Variants in SLC4A9 observed in about 807,000 individuals in gnomAD.
SLC4A9 encodes the protein anion exchange protein 4.
Under a neutral mutation model 103.2 loss-of-function variants are expected in SLC4A9, and 102 were observed. That is an observed-to-expected ratio of 0.99 (90% confidence interval 0.84 to 1.17). The LOEUF (loss-of-function observed/expected upper bound fraction) is 1.17, where lower values mean the gene tolerates loss of function less well. SLC4A9 is among the 50% of genes most tolerant of loss of function. The pLI, the probability that SLC4A9 is intolerant of heterozygous loss-of-function variation, is 0.00. For synonymous variants in SLC4A9, 453 were observed against 483.6 expected (o/e 0.94, Z 0.83); for missense variants, 1,091 against 1,193.7 (o/e 0.91, Z 1.27).
rs1038367650 is a variant in SLC4A9 at position 140,363,215 on chromosome 5, G to T, written c.962+149G>T. On this transcript the variant is annotated intron_variant, in intron 7 of 21. Coordinates refer to ENST00000506757, the MANE Select transcript of SLC4A9 (RefSeq NM_031467.3). This position sits in a 1 kb window ranked among gnomAD's most constrained non-coding sequence, Gnocchi z 4.5. ...GCAGACCTAACTCTGAGTTCTGCTG[G>T]ACTACTCTCTCGCTAAGAGACCTGA... The T allele has an allele frequency of 1.7e-6, 2 of 1,156,220 alleles. No individual in the cohort carries two copies. The highest frequency in any genetic ancestry group is 2.9e-5 in the South Asian group (2 of 68,680). The allele number at this position is 1,156,220 out of a possible 1,614,324, so 71.6% of individuals were successfully genotyped here.
chr5:140,362,252 C>T, intron 5 of SLC4A9, 78 bp downstream of exon 5: 1 of 1,411,730 alleles, frequency 7.1e-7, no homozygotes, highest in Admixed American at 2.8e-5. Context: ...AGGAGGGTCT[C>T]AGTCTGATTC....
In SLC4A9 at chr5:140,360,341, C is replaced by A; in HGVS notation, c.105C>A (p.Pro35=). 1 of 1,611,690 alleles carries A rather than the reference C, an allele frequency of 6.2e-7. No homozygotes were observed. The highest frequency in any genetic ancestry group is 1.1e-5 in the South Asian group (1 of 90,460). The change falls in exon 1 of 22, where the codon CCC becomes CCA. Residue 35 remains proline, a synonymous_variant. Transcript: ENST00000506757. The stretch of plus-strand genomic sequence containing the variant: ...GCAACCCTGACCCTGGCACCGGCCC[C>A]AGCCCTGATGGCCCCTCAGACACAG... The part of the protein sequence containing the change: ...LDSNPDPGTG[P]SPDGPSDTES...
chr5:140,360,966 C>G lies in SLC4A9; in HGVS notation c.385C>G (p.Leu129Val). The G allele has an allele frequency of 6.3e-7, 1 of 1,578,554 alleles. No homozygotes were observed. The highest frequency in any genetic ancestry group is 8.6e-7 in the Non-Finnish European group (1 of 1,161,748). ...CTGCCCAGCTCAGAGCCTCCTGGAG[C>G]TCGTGGGTAGGCTGGGATCCTTTGC... Reference protein sequence around the residue: ...LDCPAQSLLELVEQVTRVESL... With the variant: ...LDCPAQSLLEVVEQVTRVESL... Residue 129 changes from leucine to valine, a missense_variant, in exon 2 of 22, where the codon CTC (leucine) becomes GTC (valine). Transcript: ENST00000506757.
At position 140,361,371 on chromosome 5, in the gene SLC4A9, A is replaced by C. The variant is rs1217198872; in HGVS notation, c.505+4A>C. On this transcript the variant is annotated splice_donor_region_variant and intron_variant, in intron 3 of 21. Coordinates refer to ENST00000506757, the MANE Select transcript of SLC4A9 (RefSeq NM_031467.3). ...ACAGGCACCAGGCCCTGCTGGGGTG[A>C]GAGCCCCTCCCTGGGCCCAGGACCA... The C allele has an allele frequency of 1.3e-6, 2 of 1,551,186 alleles. No homozygotes were observed. The highest frequency in any genetic ancestry group is 2.7e-5 in the African/African-American group (2 of 73,058).
rs745782723 is a variant in SLC4A9 at position 140,364,128 on chromosome 5, C to T, written c.1329C>T (p.Thr443=). The stretch of plus-strand genomic sequence containing the variant: ...GCCTGATGGCAGGCCAGCCCCTCAC[C>T]ATTCTGAGCAGCACGGGGCCAGTGC... The part of the protein sequence containing the change: ...AFCLMAGQPL[T]ILSSTGPVLV... Residue 443 remains threonine (T), a synonymous_variant, in exon 10 of 22, where the codon ACC becomes ACT. Transcript: ENST00000506757. The T allele has an allele frequency of 1.3e-6, 2 of 1,594,000 alleles. No homozygotes were observed. Among genetic ancestry groups the T allele is most frequent in the African/African-American group, 1.3e-5 (1 of 74,182 alleles).
At chr5:140,362,199 T>C (rs1327331875) in intron 5 of SLC4A9, 25 bp downstream of exon 5, 2 of 1,499,722 alleles carry the variant, frequency 1.3e-6, no homozygotes, top group Non-Finnish European at 1.8e-6. Flanking sequence ...TGAGTGGGAG[T>C]CAGGGATCCC....
rs1398214890 is a variant in SLC4A9 at position 140,362,466 on chromosome 5, C to A, written c.741C>A (p.Gly247=). ...LPSRFFCLLL[G]PCMLGKGYHE... The stretch of plus-strand genomic sequence containing the variant: ...TCAGGTTTTTCTGCCTTCTCCTGGG[C>A]CCCTGTATGCTGGGAAAGGGCTACC... Residue 247 remains glycine, a synonymous_variant, in exon 6 of 22, where the codon GGC becomes GGA. Coordinates refer to ENST00000506757, the MANE Select transcript of SLC4A9 (RefSeq NM_031467.3). The A allele has an allele frequency of 6.2e-7, 1 of 1,613,992 alleles. No individual in the cohort carries two copies. Among genetic ancestry groups the A allele is most frequent in the Admixed American group, 1.7e-5 (1 of 60,022 alleles).
chr5:140,365,875 G>GCCC lies in SLC4A9; in HGVS notation c.1752_1753insCCC (p.Glu584_Cys585insPro). On this transcript the variant is annotated inframe_insertion, in exon 13 of 22. Coordinates refer to ENST00000506757, the MANE Select transcript of SLC4A9 (RefSeq NM_031467.3). ...ATGCATCCTTGCTGCCGCCACCTGA[G>GCCC]TGCACCCGGCAGGGAGGCCACCCTC... 1 of 1,613,964 alleles carries GCCC rather than the reference G, an allele frequency of 6.2e-7. No homozygotes were observed. The highest frequency in any genetic ancestry group is 8.5e-7 in the Non-Finnish European group (1 of 1,179,884).
chr5:140,360,315 A>G lies in SLC4A9; in HGVS notation c.79A>G (p.Ser27Gly). The G allele has an allele frequency of 6.2e-7, 1 of 1,612,330 alleles. No individual in the cohort carries two copies. The highest frequency in any genetic ancestry group is 1.1e-5 in the South Asian group (1 of 90,606). ...PRNIPSGELD[S>G]NPDPGTGPSP... ...AAATATTCCTTCAGGGGAGCTGGACAGCAACCCTGACCCTGGCACCGGCCC... is the reference window on the plus strand; with the variant it reads ...AAATATTCCTTCAGGGGAGCTGGACGGCAACCCTGACCCTGGCACCGGCCC... The change falls in exon 1 of 22, where the codon AGC (serine) becomes GGC (glycine). Residue 27 changes from serine to glycine, a missense_variant. Physicochemically the swap from Ser to Gly is moderately conservative, Grantham distance 56 (BLOSUM62 0). Transcript: ENST00000506757.
chr5:140,370,794 T>G (rs761519817), intron 17 of SLC4A9: 3 of 373,592 alleles, frequency 8.0e-6, no homozygotes, highest in Admixed American at 3.9e-5. Context: ...AGTGGGAGCA[T>G]AAAGAACAGA....
rs1235289832 is a variant in SLC4A9 at position 140,363,827 on chromosome 5, C to G, written c.1179C>G (p.Leu393=). The change falls in exon 9 of 22, where the codon CTC becomes CTG. Residue 393 remains leucine (L), a synonymous_variant. Transcript: ENST00000506757. This position sits in a 1 kb window ranked among gnomAD's most constrained non-coding sequence, Gnocchi z 4.5. ...ATCTCCAGTGCTTCTCGGCCGTACT[C>G]TACATTTACCTGGCCACTGTCACTA... ...ALHLQCFSAV[L]YIYLATVTNA... is the part of the protein sequence containing the mutation. 1.2e-6 allele frequency: 2 copies of G among 1,614,002 alleles called. No homozygotes were observed. The highest frequency in any genetic ancestry group is 1.7e-6 in the Non-Finnish European group (2 of 1,179,872).
intron 2 of SLC4A9, 57 bp from the exon 3 acceptor site, chr5:140,361,197 G>A (rs1023920673): frequency 6.9e-7 from 1 of 1,448,578 alleles, no homozygotes; most frequent in Admixed American, 2.0e-5. Context: ...GGGAGAAGGG[G>A]AAGAGTGTGC....
In SLC4A9 at chr5:140,371,619, C is replaced by A. The variant is rs946360135; in HGVS notation, c.2665C>A (p.Leu889Ile). 2 of 1,613,934 alleles carry A rather than the reference C, an allele frequency of 1.2e-6. No homozygotes were observed. Among genetic ancestry groups the A allele is most frequent in the Non-Finnish European group, 1.7e-6 (2 of 1,179,896 alleles). The stretch of plus-strand genomic sequence containing the variant: ...TACCCCTGCAGCCATCATCTTCCCC[C>A]TCATGGTAAGCTGAGGCAGGGTTGG... Reference protein sequence around the residue: ...KSTPAAIIFPLMLLGLVGVRK... With the variant: ...KSTPAAIIFPIMLLGLVGVRK... The change falls in exon 19 of 22, where the codon CTC (leucine) becomes ATC (isoleucine). Residue 889 changes from leucine (L) to isoleucine (I), a missense_variant. By Grantham distance (5) the Leu-to-Ile change is conservative. Coordinates refer to ENST00000506757, the MANE Select transcript of SLC4A9 (RefSeq NM_031467.3).
chr5:140,367,331 G>A, intron 14 of SLC4A9, 89 bp from the exon 15 acceptor site: 1 of 1,467,480 alleles, frequency 6.8e-7, no homozygotes, highest in Non-Finnish European at 9.2e-7. Context: ...GGTGGGGGCA[G>A]GTTGTGGAAG....
Position 140,372,730 on chromosome 5 carries a change from A to T in SLC4A9, c.2827-15A>T, listed in dbSNP as rs759519184. The T allele has an allele frequency of 3.8e-6, 6 of 1,558,476 alleles. No homozygotes were observed. In the South Asian group the frequency reaches 7.2e-5, roughly 19 times the overall value. On this transcript the variant is annotated splice_polypyrimidine_tract_variant and intron_variant, in intron 20 of 21. Coordinates refer to ENST00000506757, the MANE Select transcript of SLC4A9 (RefSeq NM_031467.3). ...CTATCTATTCTCAATCCATCTTGGG[A>T]TCTGTCTTCCACAGTCAGAGCTGAT...
chr5:140,360,526 A>G, intron 1 of SLC4A9, 60 bp downstream of exon 1: 2 of 1,450,156 alleles, frequency 1.4e-6, no homozygotes, highest in South Asian at 1.2e-5. Context: ...GGAGCCTCCT[A>G]TATGTCCCCC....
At chr5:140,362,621 AGTGT>A in intron 6 of SLC4A9, 89 bp downstream of exon 6, 3 of 1,294,256 alleles carry the variant, frequency 2.3e-6, no homozygotes, top group Non-Finnish European at 2.2e-6. Context: ...GGCTCATGTG[AGTGT>A]GTGTGTGTGG....
At position 140,367,564 on chromosome 5, in the gene SLC4A9, A is replaced by G. The variant is rs1318590197; in HGVS notation, c.2158A>G (p.Met720Val). ...QQITAVILNR[M>V]EYRLQKGAGF... ...GATCACAGCAGTCATCCTCAACCGC[A>G]TGGAATACAGACTGCAGGTAAGGCC... The change falls in exon 15 of 22, where the codon ATG becomes GTG. Residue 720 changes from methionine (M) to valine (V), a missense_variant. Physicochemically the swap from Met to Val is conservative, Grantham distance 21. Coordinates refer to ENST00000506757, the MANE Select transcript of SLC4A9 (RefSeq NM_031467.3). 3.1e-6 allele frequency: 5 copies of G among 1,603,914 alleles called. No individual in the cohort carries two copies. Among genetic ancestry groups the G allele is most frequent in the Non-Finnish European group, 3.4e-6 (4 of 1,175,484 alleles).
rs375734387 is a variant in SLC4A9, at chr5:140,372,275, G to A, written c.2704G>A (p.Glu902Lys). The A allele has an allele frequency of 4.4e-6, 7 of 1,594,528 alleles. No individual in the cohort carries two copies. The African/African-American group carries it at 8.1e-5, about 19-fold the overall frequency. Reference protein sequence around the residue: ...LGLVGVRKALERVFSPQELLW... With the variant: ...LGLVGVRKALKRVFSPQELLW... ...CCTTGTGGGGGTCCGAAAGGCCCTG[G>A]AGAGGGTCTTCTCACCACAGGAACT... Residue 902 changes from glutamate to lysine, a missense_variant, in exon 20 of 22, where the codon GAG (glutamate) becomes AAG (lysine). Transcript: ENST00000506757.
Sources: gnomAD v4.1 joint callset for allele counts on GRCh38, gnomAD v4.1.1 for gene constraint, Gnocchi (gnomAD v3.1) non-coding constraint, MANE v1.5 for transcripts, NCBI Gene and HGNC (gene_info 2026-07-23, HGNC 2026-07-21) for gene names.